Variants in STIM1 observed in about 807,000 individuals in gnomAD.
STIM1 encodes stromal interaction molecule 1.
A neutral mutation model predicts 74.7 loss-of-function variants in STIM1; 25 were observed. The observed-to-expected ratio is 0.33, with a 90% confidence interval of 0.24 to 0.47. The LOEUF (loss-of-function observed/expected upper bound fraction) is 0.47, where lower values mean the gene tolerates loss of function less well. Among genes scored for constraint, STIM1 ranks in the 20% least tolerant of loss-of-function variants. STIM1 has a pLI of 1.00. For missense variants in STIM1, 728 were observed against 920.8 expected, an observed-to-expected ratio of 0.79 and a Z score of 2.71; for synonymous variants, 328 against 348.8, an observed-to-expected ratio of 0.94 and a Z score of 0.66.
intron 6 of STIM1, among the ~76,000 whole-genome samples, chr11:4,073,552 G>C (rs1230377689): frequency 6.6e-6 from 1 of 152,108 alleles, no homozygotes; most frequent in Non-Finnish European, 1.5e-5. Context: ...ACGTATTTAG[G>C]GCTTAGCACA....
intron 1 of STIM1, among the ~76,000 whole-genome samples, chr11:3,868,662 G>C (rs183017418): frequency 3.5e-4 from 54 of 152,322 alleles, no homozygotes; most frequent in African/African-American, 1.3e-3. Context: ...ATGGGAGATG[G>C]AAAGAGAGGC....
chr11:3,981,164 G>A (rs1028848164), intron 2 of STIM1, among the ~76,000 whole-genome samples: 19 of 152,104 alleles, frequency 1.2e-4, no homozygotes, highest in African/African-American at 4.6e-4. Flanking sequence ...TCCTGACCTT[G>A]TGATCCATCT....
At chr11:3,892,854 C>T in intron 1 of STIM1, 1 of 1,606,688 alleles carries the variant, frequency 6.2e-7, no homozygotes, top group Non-Finnish European at 8.5e-7. Flanking sequence ...TCGCTGTTGA[C>T]AGCAATGTCG....
chr11:4,083,050 C>A, intron 9 of STIM1, 68 bp downstream of exon 9: 1 of 1,381,574 alleles, frequency 7.2e-7, no homozygotes, highest in Non-Finnish European at 1.0e-6. Flanking sequence ...GCATACAGGG[C>A]CTCCAACACC....
chr11:4,025,179 G>A (rs1339705709), intron 3 of STIM1, among the ~76,000 whole-genome samples: 1 of 152,140 alleles, frequency 6.6e-6, no homozygotes, highest in East Asian at 1.9e-4. Flanking sequence ...TAGGAATGAG[G>A]CAGTTTCTAT....
At chr11:3,886,694 A>C (rs1451230896) in intron 1 of STIM1, among the ~76,000 whole-genome samples, 33 of 81,186 alleles carry the variant, frequency 4.1e-4, no homozygotes, top group African/African-American at 1.0e-3. Flanking sequence ...TGTCAAAAAA[A>C]AAAAAAAAAA....
chr11:3,959,559 G>A (rs527664006), intron 1 of STIM1, among the ~76,000 whole-genome samples: 1 of 152,292 alleles, frequency 6.6e-6, no homozygotes, highest in Admixed American at 6.5e-5. Context: ...CTTACCACTT[G>A]GATGTGGTAT....
intron 1 of STIM1, among the ~76,000 whole-genome samples, chr11:3,925,752 G>A (rs1192335180): frequency 2.0e-5 from 3 of 152,146 alleles, no homozygotes; most frequent in Non-Finnish European, 4.4e-5. Context: ...CAATAACAAT[G>A]TAATGTAATT....
At chr11:3,989,517 G>T (rs566287051) in intron 2 of STIM1, 5 of 597,062 alleles carry the variant, frequency 8.4e-6, no homozygotes, top group Admixed American at 4.5e-5. Context: ...CGCACCGAGA[G>T]CCTTCGCGAA....
intron 12 of STIM1, among the ~76,000 whole-genome samples, chr11:4,090,722 C>T (rs539914384): frequency 1.3e-5 from 2 of 152,252 alleles, no homozygotes; most frequent in East Asian, 3.9e-4. Context: ...TCTGTGTTAG[C>T]TTGAGTCCCA....
At chr11:3,953,579 G>A (rs561220348) in intron 1 of STIM1, among the ~76,000 whole-genome samples, 21 of 152,184 alleles carry the variant, frequency 1.4e-4, no homozygotes, top group Non-Finnish European at 2.5e-4. Context: ...TTCTTTGCTG[G>A]CCAACCTAGG....
chr11:4,018,164 A>T (rs1345989139), intron 2 of STIM1, among the ~76,000 whole-genome samples: 1 of 152,016 alleles, frequency 6.6e-6, no homozygotes, highest in African/African-American at 2.4e-5. Context: ...AAAAATACAA[A>T]ATTGGCTGGG....
Position 3,900,150 on chromosome 11 carries a change from C to T in STIM1, c.139+43741C>T, listed in dbSNP as rs572057314. Among the ~76,000 whole-genome samples the T allele has an allele frequency of 6.6e-4, 101 of 152,308 alleles. 3 individuals are homozygous for T. The South Asian group carries it at 0.02, about 31-fold the overall frequency. On this transcript the variant is annotated intron_variant, in intron 1 of 12. Coordinates refer to ENST00000526596, the MANE Select transcript of STIM1 (RefSeq NM_001382567.1). The stretch of plus-strand genomic sequence containing the variant: ...AGCCTGGGCAATGGCAGACGACCCT[C>T]CCCCAGCCTCACTGCTGCCTTGCAG...
chr11:3,939,268 T>C lies in STIM1; in HGVS notation c.140-28284T>C, dbSNP rs375527168. On this transcript the variant is annotated intron_variant, in intron 1 of 12. Coordinates refer to ENST00000526596, the MANE Select transcript of STIM1 (RefSeq NM_001382567.1). ...AGGAGAGAGGTGTGACTTCTAAAGA[T>C]CCTTCTGGCTCTGAGATTCTGTGAT... 1.4e-4 allele frequency among the ~76,000 whole-genome samples: 22 copies of C among 152,308 alleles called. No homozygotes were observed. The South Asian group carries it at 3.5e-3, about 24-fold the overall frequency.
intron 2 of STIM1, among the ~76,000 whole-genome samples, chr11:3,995,972 AG>A (rs1273943227): frequency 6.6e-6 from 1 of 151,984 alleles, no homozygotes; most frequent in Admixed American, 6.6e-5. Flanking sequence ...CTCTTTCCCT[AG>A]TTATCTCCAG....
intron 2 of STIM1, among the ~76,000 whole-genome samples, chr11:4,013,356 A>G (rs2135967288): frequency 6.6e-6 from 1 of 152,122 alleles, no homozygotes; most frequent in East Asian, 1.9e-4. Context: ...CTGGTCCTGG[A>G]CTTTTCTTGG....
intron 1 of STIM1, among the ~76,000 whole-genome samples, chr11:3,870,610 T>C (rs1408191312): frequency 6.6e-6 from 1 of 151,742 alleles, no homozygotes; most frequent in East Asian, 1.9e-4. Flanking sequence ...GATCCTCCCA[T>C]CTCGGCCCAA....
intron 5 of STIM1, among the ~76,000 whole-genome samples, chr11:4,066,687 GA>G (rs1032045420): frequency 6.7e-6 from 1 of 150,050 alleles, no homozygotes; most frequent in Non-Finnish European, 1.5e-5. Context: ...CTCTAAAAAA[GA>G]AAAAAAAAGT....
intron 1 of STIM1, among the ~76,000 whole-genome samples, chr11:3,872,182 A>G (rs1157592276): frequency 6.6e-6 from 1 of 152,006 alleles, no homozygotes; most frequent in East Asian, 1.9e-4. Context: ...CCTCCCAAGT[A>G]GCTGGGACTA....
Sources: allele counts gnomAD v4.1 joint callset (sites outside exome capture counted in the v4.1 genomes callset), GRCh38; gene constraint gnomAD v4.1.1; transcripts MANE v1.5; gene names NCBI Gene and HGNC (gene_info 2026-07-23, HGNC 2026-07-21).